The following PLEKHG1 variants were observed in gnomAD, a reference collection of about 807,000 sequenced individuals.
PLEKHG1 encodes the protein pleckstrin homology domain-containing family G member 1.
Under a neutral mutation model 100.8 loss-of-function variants are expected in PLEKHG1, and 44 were observed. That is an observed-to-expected ratio of 0.44 (90% CI 0.34 to 0.56). PLEKHG1 has a LOEUF of 0.56. Ranked by LOEUF, PLEKHG1 falls within the 20% of genes least tolerant of loss-of-function variation. The probability of loss-of-function intolerance (pLI) is 0.01; values close to 1 mark genes in which losing one functional copy is unlikely to be tolerated. For missense variants in PLEKHG1, 1,545 were observed against 1,720.9 expected (o/e 0.90, Z 1.81); for synonymous variants, 640 against 662.5 (o/e 0.97, Z 0.52).
intron 3 of PLEKHG1, among the ~76,000 whole-genome samples, chr6:150,778,035 C>T (rs1238505196): frequency 2.0e-5 from 3 of 152,248 alleles, no homozygotes; most frequent in African/African-American, 7.2e-5. Context: ...TCTATCCCAC[C>T]ACACTCTCTG....
chr6:150,675,607 G>A (rs1322560262), intron 3 of PLEKHG1, among the ~76,000 whole-genome samples: 1 of 152,194 alleles, frequency 6.6e-6, no homozygotes, highest in Admixed American at 6.5e-5. Flanking sequence ...TTGAGACGGA[G>A]TCTCCCTCTG....
rs1237652534 is a variant in PLEKHG1 at position 150,739,940 on chromosome 6, T to G, written c.411+5848T>G. Among the ~76,000 whole-genome samples, 3 of 152,324 alleles carry G rather than the reference T, an allele frequency of 2.0e-5. No homozygotes were observed. In the East Asian group the frequency reaches 5.8e-4, roughly 29 times the overall value. On this transcript the variant is annotated intron_variant, in intron 2 of 15. Transcript: ENST00000358517. ...ACACACTTAGTGCCCTGAAACACAT[T>G]GAAAGCTATTCTCCCCACTGCCATA... is the stretch of plus-strand genomic sequence containing the variant.
At chr6:150,808,508 C>G (rs540623417) in intron 7 of PLEKHG1, among the ~76,000 whole-genome samples, 237 of 151,808 alleles carry the variant, frequency 1.6e-3, no homozygotes, top group Non-Finnish European at 2.6e-3. Context: ...CCAGCACTTT[C>G]AGAGGTATAG....
At chr6:150,727,063 T>C (rs927011413) in intron 1 of PLEKHG1, among the ~76,000 whole-genome samples, 1 of 152,168 alleles carries the variant, frequency 6.6e-6, no homozygotes, top group Non-Finnish European at 1.5e-5. Context: ...CCTCCCCTCT[T>C]TGAGTAATTC....
chr6:150,693,643 T>C (rs529018459), intron 3 of PLEKHG1, among the ~76,000 whole-genome samples: 1 of 152,302 alleles, frequency 6.6e-6, no homozygotes, highest in East Asian at 1.9e-4. Flanking sequence ...TCTCCAACAC[T>C]TGGCTGCTTT....
chr6:150,600,006 G>A lies in PLEKHG1; in HGVS notation c.-215G>A. The A allele has an allele frequency of 4.2e-6, 1 of 240,550 alleles. No homozygotes were observed. Among genetic ancestry groups the A allele is most frequent in the Non-Finnish European group, 8.9e-6 (1 of 112,026 alleles). The allele number at this position is 240,550 out of a possible 1,614,324, so 14.9% of individuals were successfully genotyped here. ...GAGCGCCGCCCGGGCATGCGAAGCC[G>A]TCCCTCCCCGGGTAAGCGCCGGTCG... On this transcript the variant is annotated 5_prime_UTR_variant, in exon 1 of 4. Coordinates refer to the PLEKHG1 transcript ENST00000367326. The surrounding 1 kb of genome is among the most constrained non-coding windows in gnomAD (Gnocchi z 6.2).
chr6:150,800,645 T>A, intron 5 of PLEKHG1, 74 bp from the exon 7 acceptor site: 1 of 1,401,232 alleles, frequency 7.1e-7, no homozygotes. Flanking sequence ...CATTTACACT[T>A]GCAATAGCAT....
intron 1 of PLEKHG1, among the ~76,000 whole-genome samples, chr6:150,604,745 A>G (rs1251653353): frequency 1.3e-5 from 2 of 152,208 alleles, no homozygotes; most frequent in Admixed American, 6.5e-5. Context: ...CCATCAGTTG[A>G]CATAGAAATG....
chr6:150,635,789 G>A (rs1190245384), intron 1 of PLEKHG1, among the ~76,000 whole-genome samples: 2 of 152,054 alleles, frequency 1.3e-5, no homozygotes, highest in Non-Finnish European at 2.9e-5. Context: ...AAAACACTGT[G>A]TATCTTAAAA....
At chr6:150,685,545 T>A (rs905850393) in intron 3 of PLEKHG1, among the ~76,000 whole-genome samples, 1 of 152,146 alleles carries the variant, frequency 6.6e-6, no homozygotes, top group East Asian at 1.9e-4. Flanking sequence ...GAGATTGGGG[T>A]GTGGAGAGAA....
intron 7 of PLEKHG1, among the ~76,000 whole-genome samples, chr6:150,807,629 G>A (rs893659526): frequency 1.3e-5 from 2 of 152,142 alleles, no homozygotes; most frequent in Non-Finnish European, 2.9e-5. Context: ...AAAACGGGGA[G>A]TGGGGCAAGT....
chr6:150,831,440 T>G lies in PLEKHG1; in HGVS notation c.2329T>G (p.Cys777Gly), dbSNP rs372241051. The G allele has an allele frequency of 5.1e-5, 82 of 1,614,180 alleles. No individual in the cohort carries two copies. The East Asian group carries it at 1.0e-3, about 21-fold the overall frequency. Residue 777 changes from cysteine to glycine, a missense_variant, in exon 15 of 16, where the codon TGC (cysteine) becomes GGC (glycine). Cys to Gly is a radical substitution (Grantham distance 159). Coordinates refer to ENST00000358517, the Ensembl canonical transcript of PLEKHG1. This position sits in a 1 kb window ranked among gnomAD's most constrained non-coding sequence, Gnocchi z 4.1. ...TTTGGGTCTGGAGGCCGACTTCGTG[T>G]GCTGTGACAGCCTGAGGCCATTTGT...
At chr6:150,733,525 A>G (rs1484937078) in intron 1 of PLEKHG1, 59 bp from the exon 3 acceptor site, 8 of 1,425,652 alleles carry the variant, frequency 5.6e-6, no homozygotes, top group Non-Finnish European at 7.5e-6. Flanking sequence ...ACTTCCTTTC[A>G]ACCCTCTGCT....
chr6:150,819,652 C>T, intron 11 of PLEKHG1, 27 bp from the exon 13 acceptor site: 1 of 1,298,896 alleles, frequency 7.7e-7, no homozygotes, highest in South Asian at 1.2e-5. Context: ...ACCACAGTCC[C>T]ACTGATGCAC....
At chr6:150,730,322 G>T (rs1297121594) in intron 1 of PLEKHG1, among the ~76,000 whole-genome samples, 5 of 144,858 alleles carry the variant, frequency 3.5e-5, no homozygotes, top group Non-Finnish European at 7.5e-5. Flanking sequence ...ATGAAGGGTG[G>T]GTTGAGGTGG....
chr6:150,791,351 G>A (rs1394838549), intron 4 of PLEKHG1, among the ~76,000 whole-genome samples: 1 of 152,060 alleles, frequency 6.6e-6, no homozygotes, highest in African/African-American at 2.4e-5. Flanking sequence ...GACTAGAAGG[G>A]AAAAGAATAG....
At chr6:150,621,895 T>C (rs1474097959) in intron 1 of PLEKHG1, among the ~76,000 whole-genome samples, 1 of 152,236 alleles carries the variant, frequency 6.6e-6, no homozygotes, top group African/African-American at 2.4e-5. Flanking sequence ...TCTTATGACT[T>C]GAACACGTTA....
At chr6:150,718,630 T>G (rs1163564754), upstream of PLEKHG1, among the ~76,000 whole-genome samples, 1 of 152,084 alleles carries the variant, frequency 6.6e-6, no homozygotes, top group Admixed American at 6.5e-5. Context: ...CCACCACGTC[T>G]GGCTAATTTT....
At chr6:150,787,995 A>G (rs1487581010) in intron 4 of PLEKHG1, among the ~76,000 whole-genome samples, 2 of 152,260 alleles carry the variant, frequency 1.3e-5, no homozygotes, top group Non-Finnish European at 2.9e-5. Context: ...ATATGTTAGA[A>G]TAACCACAGC....
Sources: gnomAD v4.1 joint callset for allele counts (sites outside exome capture counted in the v4.1 genomes callset) on GRCh38, gnomAD v4.1.1 for gene constraint, Gnocchi (gnomAD v3.1) non-coding constraint, MANE v1.5 for transcripts, NCBI Gene and HGNC (gene_info 2026-07-23, HGNC 2026-07-21) for gene names.